CDH12: variants seen among roughly 807,000 people sequenced by gnomAD.
The protein encoded by CDH12 is cadherin 12, also known as cadherin-12.
Under a neutral mutation model 74.1 loss-of-function variants are expected in CDH12, and 41 were observed. The observed-to-expected ratio is 0.55, with a 90% CI of 0.43 to 0.72. The LOEUF (loss-of-function observed/expected upper bound fraction) is 0.72, where lower values mean the gene tolerates loss of function less well. Among genes scored for constraint, CDH12 ranks in the 30% least tolerant of loss-of-function variants. CDH12 has a pLI of 0.00. For missense variants in CDH12, 945 were observed against 977.2 expected, an observed-to-expected ratio of 0.97 and a Z score of 0.44; for synonymous variants, 399 against 355.0, an observed-to-expected ratio of 1.12 and a Z score of -1.39.
intron 5 of CDH12, among the ~76,000 whole-genome samples, chr5:21,983,555 A>G (rs548956325): frequency 2.0e-4 from 31 of 152,152 alleles, no homozygotes; most frequent in African/African-American, 7.5e-4. Context: ...TATGTTTCCT[A>G]TTTGAGATTG....
At chr5:21,754,029 T>G (rs2149861036) in intron 14 of CDH12, among the ~76,000 whole-genome samples, 1 of 152,286 alleles carries the variant, frequency 6.6e-6, no homozygotes, top group Non-Finnish European at 1.5e-5. Context: ...ACGAGGAGGA[T>G]ACATAATTGT....
chr5:22,287,184 G>C (rs1580483719), intron 3 of CDH12, among the ~76,000 whole-genome samples: 2 of 152,108 alleles, frequency 1.3e-5, no homozygotes, highest in East Asian at 1.9e-4. Context: ...ACTTTGTTAT[G>C]GTTATGCTGC....
At chr5:22,797,183 TAAAAAAA>T (rs58951425) in intron 1 of CDH12, among the ~76,000 whole-genome samples, 1 of 86,248 alleles carries the variant, frequency 1.2e-5, no homozygotes, top group Non-Finnish European at 2.4e-5. Flanking sequence ...AGTGCCTTTA[TAAAAAAA>T]AAAAAAAAAA....
chr5:22,673,085 A>C (rs899849917), intron 1 of CDH12, among the ~76,000 whole-genome samples: 24 of 152,028 alleles, frequency 1.6e-4, no homozygotes, highest in Admixed American at 5.2e-4. Context: ...GTCAATTATC[A>C]GTACTCCAAC....
chr5:22,669,045 T>C (rs898165150), intron 1 of CDH12, among the ~76,000 whole-genome samples: 2 of 152,168 alleles, frequency 1.3e-5, no homozygotes, highest in African/African-American at 4.8e-5. Flanking sequence ...TCTTCAAATG[T>C]GTTATCATAA....
intron 5 of CDH12, among the ~76,000 whole-genome samples, chr5:22,058,531 T>G (rs969880845): frequency 6.6e-6 from 1 of 151,978 alleles, no homozygotes; most frequent in Non-Finnish European, 1.5e-5. Context: ...TTTAGAGGGA[T>G]CTAGTGTATT....
intron 2 of CDH12, among the ~76,000 whole-genome samples, chr5:22,454,372 T>C (rs1745182484): frequency 6.6e-6 from 1 of 152,216 alleles, no homozygotes; most frequent in Admixed American, 6.5e-5. Flanking sequence ...ATGAGATCCC[T>C]ACACAAAGAG....
intron 4 of CDH12, chr5:22,143,810 G>C (rs1746973635): frequency 6.6e-6 from 1 of 152,228 alleles, no homozygotes; most frequent in Non-Finnish European, 1.5e-5. Flanking sequence ...TGGCATGTAA[G>C]AAATAGCGTC....
intron 5 of CDH12, among the ~76,000 whole-genome samples, chr5:21,999,203 C>T (rs1486476169): frequency 1.3e-5 from 2 of 152,106 alleles, no homozygotes; most frequent in African/African-American, 4.8e-5. Flanking sequence ...TTAAGGTAGA[C>T]ATATTATTCA....
chr5:21,861,899 A>AGTGT (rs59953319), intron 6 of CDH12, among the ~76,000 whole-genome samples: 25,057 of 147,630 alleles, frequency 0.17, 2,286 homozygotes, highest in African/African-American at 0.24. Flanking sequence ...GGTCATTTCT[A>AGTGT]GTGTGTGTGT....
chr5:22,796,327 T>G (rs931481182), intron 1 of CDH12, among the ~76,000 whole-genome samples: 3 of 152,154 alleles, frequency 2.0e-5, no homozygotes, highest in Non-Finnish European at 4.4e-5. Flanking sequence ...TGAATTTTGT[T>G]TCTTCATGTC....
chr5:21,920,313 G>GA (rs1413908800), intron 6 of CDH12, among the ~76,000 whole-genome samples: 2 of 152,160 alleles, frequency 1.3e-5, no homozygotes, highest in Non-Finnish European at 2.9e-5. Flanking sequence ...GACTTGGACA[G>GA]AAAAAAGTGG....
intron 4 of CDH12, among the ~76,000 whole-genome samples, chr5:22,108,237 T>A (rs1236304831): frequency 6.6e-6 from 1 of 152,146 alleles, no homozygotes; most frequent in Admixed American, 6.5e-5. Flanking sequence ...TGCACAAGCC[T>A]TCTTGCGGGC....
At chr5:22,755,600 A>C (rs144543851) in intron 1 of CDH12, among the ~76,000 whole-genome samples, 1 of 152,168 alleles carries the variant, frequency 6.6e-6, no homozygotes, top group East Asian at 1.9e-4. Context: ...AATTCATACA[A>C]CACAATTGCT....
intron 3 of CDH12, among the ~76,000 whole-genome samples, chr5:22,279,168 C>T (rs779525887): frequency 6.6e-6 from 1 of 151,980 alleles, no homozygotes. Flanking sequence ...TAACTAAAGC[C>T]TAGAAACATC....
intron 1 of CDH12, among the ~76,000 whole-genome samples, chr5:22,776,178 T>G (rs2126329378): frequency 6.6e-6 from 1 of 152,248 alleles, no homozygotes; most frequent in African/African-American, 2.4e-5. Context: ...GTGAGGATAT[T>G]TATCTATTTC....
At chr5:22,727,554 A>G (rs1744224708) in intron 1 of CDH12, among the ~76,000 whole-genome samples, 1 of 151,672 alleles carries the variant, frequency 6.6e-6, no homozygotes, top group Admixed American at 6.6e-5. Context: ...CATATTTAGC[A>G]TTTCATTTCT....
intron 5 of CDH12, among the ~76,000 whole-genome samples, chr5:22,030,710 G>C (rs1738756240): frequency 6.6e-6 from 1 of 152,178 alleles, no homozygotes; most frequent in South Asian, 2.1e-4. Context: ...TTTGAAGCCA[G>C]GCATTGACTT....
At chr5:21,913,104 A>G (rs1196288218) in intron 6 of CDH12, among the ~76,000 whole-genome samples, 2 of 152,160 alleles carry the variant, frequency 1.3e-5, no homozygotes, top group Admixed American at 6.5e-5. Flanking sequence ...TGGCCTCCCA[A>G]AGTGCTAGGA....
Sources: gnomAD v4.1 joint callset for allele counts (sites outside exome capture counted in the v4.1 genomes callset) on GRCh38, gnomAD v4.1.1 for gene constraint, MANE v1.5 for transcripts, NCBI Gene and HGNC (gene_info 2026-07-23, HGNC 2026-07-21) for gene names.